Variants in UNC5B observed in about 807,000 individuals in gnomAD.
The protein encoded by UNC5B is unc-5 netrin receptor B.
A neutral mutation model predicts 103.7 loss-of-function variants in UNC5B; 56 were observed. The ratio of observed to expected loss-of-function variants is 0.54; its 90% CI spans 0.44 to 0.67. UNC5B has a LOEUF of 0.67. Ranked by LOEUF, UNC5B falls within the 30% of genes least tolerant of loss-of-function variation. The probability of loss-of-function intolerance (pLI) is 0.00; values close to 1 mark genes in which losing one functional copy is unlikely to be tolerated. For missense variants in UNC5B, 1,194 were observed against 1,284.5 expected (o/e 0.93, Z 1.08); for synonymous variants, 577 against 542.0 (o/e 1.06, Z -0.90).
intron 1 of UNC5B, among the ~76,000 whole-genome samples, chr10:71,260,609 C>T (rs1844395438): frequency 1.3e-5 from 2 of 152,196 alleles, no homozygotes; most frequent in Admixed American, 6.5e-5. Context: ...ACCCTGTTAT[C>T]GTCACTGTGC....
chr10:71,262,613 G>A (rs1435186773), intron 1 of UNC5B, among the ~76,000 whole-genome samples: 2 of 152,186 alleles, frequency 1.3e-5, no homozygotes, highest in African/African-American at 2.4e-5. Context: ...GTAAACAGGT[G>A]CCATCCAGCC....
At chr10:71,226,140 T>C (rs1368935720) in intron 1 of UNC5B, among the ~76,000 whole-genome samples, 1 of 152,216 alleles carries the variant, frequency 6.6e-6, no homozygotes, top group African/African-American at 2.4e-5. Context: ...AGTGGCACCA[T>C]CTCGGCTCAC....
chr10:71,214,990 G>C (rs1027517953), intron 1 of UNC5B, among the ~76,000 whole-genome samples: 1 of 152,194 alleles, frequency 6.6e-6, no homozygotes, highest in African/African-American at 2.4e-5. Flanking sequence ...CTGCCCACCA[G>C]CCTGGAGAGG....
chr10:71,279,176 A>G (rs1844849096), intron 1 of UNC5B, among the ~76,000 whole-genome samples: 1 of 152,196 alleles, frequency 6.6e-6, no homozygotes, highest in South Asian at 2.1e-4. Context: ...AGAGCCACAG[A>G]CCATGGGAGG....
At chr10:71,217,930 A>C (rs1843368135) in intron 1 of UNC5B, 1 of 152,154 alleles carries the variant, frequency 6.6e-6, no homozygotes, top group South Asian at 2.1e-4. Context: ...CTAGCGAGTG[A>C]GTGCACGGAG....
chr10:71,290,236 A>G (rs1442636746), intron 8 of UNC5B, among the ~76,000 whole-genome samples: 1 of 152,218 alleles, frequency 6.6e-6, no homozygotes, highest in Non-Finnish European at 1.5e-5. Flanking sequence ...AAGCTCCACC[A>G]GACAACCCTA....
chr10:71,232,177 C>G lies in UNC5B; in HGVS notation c.79+19113C>G, dbSNP rs762739018. Reference sequence around the variant, plus strand: ...TCTCCGATGACTGCCCAGGAACTCCCAGGAATGGCCTGTGGCTCTGTGCAC... The same window carrying G: ...TCTCCGATGACTGCCCAGGAACTCCGAGGAATGGCCTGTGGCTCTGTGCAC... On this transcript the variant is annotated intron_variant, in intron 1 of 16. Coordinates refer to ENST00000335350, the MANE Select transcript of UNC5B (RefSeq NM_170744.5). 5.6e-4 allele frequency among the ~76,000 whole-genome samples: 85 copies of G among 152,240 alleles called. 1 individual carries two copies. Among genetic ancestry groups the G allele is most frequent in the Non-Finnish European group, 1.1e-3 (74 of 68,048 alleles).
intron 16 of UNC5B, 112 bp from the exon 17 acceptor site, chr10:71,299,000 G>A (rs776969719): frequency 1.1e-5 from 16 of 1,408,364 alleles, no homozygotes; most frequent in Non-Finnish European, 1.6e-5. Flanking sequence ...ACCCAGGACA[G>A]TGGGACACCA....
In UNC5B at chr10:71,213,133, A is replaced by T. The variant is rs1214892414; in HGVS notation, c.79+69A>T. The T allele has an allele frequency of 2.5e-6, 3 of 1,179,684 alleles. No individual in the cohort carries two copies. Among genetic ancestry groups the T allele is most frequent in the Non-Finnish European group, 2.1e-6 (2 of 933,922 alleles). The allele number at this position is 1,179,684 out of a possible 1,614,324, so 73.1% of individuals were successfully genotyped here. ...TGCGCCTCACTCTGTCCTGAAGTTG[A>T]GGTGGTCTTTCGTCGCATCGATGCG... On this transcript the variant is annotated intron_variant, in intron 1 of 16. Transcript: ENST00000335350. The surrounding 1 kb of genome is among the most constrained non-coding windows in gnomAD (Gnocchi z 4.1).
chr10:71,269,607 C>A (rs117464839), intron 1 of UNC5B, among the ~76,000 whole-genome samples: 1,648 of 152,236 alleles, frequency 0.011, 16 homozygotes, highest in Middle Eastern at 0.02. Context: ...GCTCCCTCCC[C>A]CTCCACCTGC....
intron 1 of UNC5B, among the ~76,000 whole-genome samples, chr10:71,243,944 C>CAG (rs2132262045): frequency 6.6e-6 from 1 of 152,360 alleles, no homozygotes; most frequent in Admixed American, 6.5e-5. Context: ...CACCGAGGCC[C>CAG]AGAGAGATGA....
chr10:71,228,981 C>T (rs1843627249), intron 1 of UNC5B, among the ~76,000 whole-genome samples: 1 of 152,244 alleles, frequency 6.6e-6, no homozygotes, highest in Non-Finnish European at 1.5e-5. Context: ...CTCCCCAAGG[C>T]AGGGACTGGG....
intron 15 of UNC5B, 113 bp downstream of exon 15, chr10:71,296,855 T>TC (rs1845442729): frequency 0.012 from 4,012 of 322,910 alleles, 5 homozygotes; most frequent in Middle Eastern, 0.016. Flanking sequence ...GAGGGAAGGG[T>TC]GGGGCAGATA....
Position 71,299,269 on chromosome 10 carries a change from GA to G in UNC5B, c.2831del (p.Asp944AlafsTer54), listed in dbSNP as rs774161553. 4 of 1,613,980 alleles carry G rather than the reference GA, an allele frequency of 2.5e-6. No individual in the cohort carries two copies. ...EMLVAVATDG[D>X]C ...GCTGGTGGCTGTGGCCACCGACGGGGACTGCTGAGCCTCCTGGGACAGCGGG... is the reference window on the plus strand; with the variant it reads ...GCTGGTGGCTGTGGCCACCGACGGGGCTGCTGAGCCTCCTGGGACAGCGGG... On this transcript the variant is annotated frameshift_variant, in exon 17 of 17. Transcript: ENST00000335350. LOFTEE classifies it high-confidence loss of function.
chr10:71,221,412 G>T (rs1843450399), intron 1 of UNC5B, among the ~76,000 whole-genome samples: 1 of 152,218 alleles, frequency 6.6e-6, no homozygotes. Context: ...CCCGTGTCAT[G>T]CATAGCTTCA....
At chr10:71,227,277 A>G (rs936069520) in intron 1 of UNC5B, among the ~76,000 whole-genome samples, 2 of 152,094 alleles carry the variant, frequency 1.3e-5, no homozygotes, top group African/African-American at 2.4e-5. Context: ...GAGCCATCGC[A>G]CCCAGCCAGA....
intron 11 of UNC5B, 28 bp from the exon 12 acceptor site, chr10:71,293,377 C>T: frequency 1.3e-6 from 2 of 1,587,980 alleles, no homozygotes; most frequent in South Asian, 1.1e-5. Context: ...TCTTCACTGC[C>T]TCTCTCCTAC....
In UNC5B at chr10:71,299,139, G is replaced by C; in HGVS notation, c.2700G>C (p.Ala900=). Residue 900 remains alanine (A), a synonymous_variant, in exon 17 of 17, where the codon GCG becomes GCC. Coordinates refer to ENST00000335350, the MANE Select transcript of UNC5B (RefSeq NM_170744.5). ...DRYLNYFATK[A]SPTGVILDLW... Reference sequence around the variant, plus strand: ...ACCTGAATTACTTTGCCACCAAAGCGAGCCCCACGGGTGTGATCCTGGACC... The same window carrying C: ...ACCTGAATTACTTTGCCACCAAAGCCAGCCCCACGGGTGTGATCCTGGACC... 1.2e-6 allele frequency: 2 copies of C among 1,614,198 alleles called. No individual in the cohort carries two copies. The highest frequency in any genetic ancestry group is 1.7e-6 in the Non-Finnish European group (2 of 1,180,038).
intron 1 of UNC5B, among the ~76,000 whole-genome samples, chr10:71,276,806 C>T (rs757599814): frequency 9.2e-5 from 14 of 152,264 alleles, no homozygotes; most frequent in Non-Finnish European, 2.1e-4. Context: ...CATGGTCCCT[C>T]CAGGCAGGAA....
Sources: gnomAD v4.1 joint callset for allele counts (sites outside exome capture counted in the v4.1 genomes callset) on GRCh38, gnomAD v4.1.1 for gene constraint, Gnocchi (gnomAD v3.1) non-coding constraint, MANE v1.5 for transcripts, NCBI Gene and HGNC (gene_info 2026-07-23, HGNC 2026-07-21) for gene names.